Variants in C7orf78 observed in about 807,000 individuals in gnomAD.
The protein encoded by C7orf78 is putative uncharacterized protein C7orf78.
the C7orf78 span, among the ~76,000 whole-genome samples, chr7:12,524,101 G>T: frequency 6.6e-6 from 1 of 152,146 alleles, no homozygotes; most frequent in South Asian, 2.1e-4. Context: ...GTGTATTCCA[G>T]TGGGAAAATG....
the C7orf78 span, among the ~76,000 whole-genome samples, chr7:12,498,959 C>A: frequency 6.6e-6 from 1 of 151,902 alleles, no homozygotes; most frequent in Non-Finnish European, 1.5e-5. Context: ...AATTTTCAAC[C>A]CAGAATTTCA....
the C7orf78 span, among the ~76,000 whole-genome samples, chr7:12,503,856 T>C: frequency 6.6e-6 from 1 of 152,074 alleles, no homozygotes; most frequent in Non-Finnish European, 1.5e-5. Flanking sequence ...ACACCTGTAA[T>C]CCCATCAATT....
chr7:12,492,456 T>C, the C7orf78 span, among the ~76,000 whole-genome samples: 1 of 152,240 alleles, frequency 6.6e-6, no homozygotes, highest in African/African-American at 2.4e-5. Flanking sequence ...AAACTGTCTG[T>C]CATAGCAATG....
the C7orf78 span, chr7:12,491,292 A>G: frequency 6.6e-6 from 1 of 152,184 alleles, no homozygotes; most frequent in African/African-American, 2.4e-5. Context: ...TAATGGTACA[A>G]AGTTTTTTCT....
the C7orf78 span, among the ~76,000 whole-genome samples, chr7:12,523,882 C>T: frequency 1.8e-3 from 280 of 152,058 alleles, 2 homozygotes; most frequent in African/African-American, 6.6e-3. Context: ...AATATATGGG[C>T]AATAATTAGA....
the C7orf78 span, among the ~76,000 whole-genome samples, chr7:12,490,725 AAAAC>A: frequency 6.6e-6 from 1 of 152,126 alleles, no homozygotes; most frequent in African/African-American, 2.4e-5. Flanking sequence ...ATAAAAGACA[AAAAC>A]AAAACATCAA....
At chr7:12,531,330 T>A in the C7orf78 span, among the ~76,000 whole-genome samples, 4 of 152,184 alleles carry the variant, frequency 2.6e-5, no homozygotes, top group Non-Finnish European at 5.9e-5. Flanking sequence ...CCTACGTGCA[T>A]AATCACCTCT....
chr7:12,503,657 G>A, the C7orf78 span, among the ~76,000 whole-genome samples: 11 of 151,348 alleles, frequency 7.3e-5, no homozygotes, highest in African/African-American at 1.5e-4. Flanking sequence ...TGTGCACAGC[G>A]TGCAGGTTTG....
the C7orf78 span, among the ~76,000 whole-genome samples, chr7:12,497,476 G>A: frequency 1.9e-5 from 1 of 51,792 alleles, no homozygotes; most frequent in Non-Finnish European, 4.1e-5. Flanking sequence ...ACGGCACCTG[G>A]AGAATCGGGA....
chr7:12,517,662 T>A, the C7orf78 span, among the ~76,000 whole-genome samples: 1 of 152,208 alleles, frequency 6.6e-6, no homozygotes, highest in East Asian at 1.9e-4. Flanking sequence ...CTGCTTAATC[T>A]ATTGTTGGAG....
chr7:12,495,728 A>G, the C7orf78 span, among the ~76,000 whole-genome samples: 1 of 152,190 alleles, frequency 6.6e-6, no homozygotes, highest in Non-Finnish European at 1.5e-5. Context: ...TTCAAGTTGC[A>G]ATTATCTGTT....
chr7:12,504,237 G>T, the C7orf78 span, among the ~76,000 whole-genome samples: 1 of 152,110 alleles, frequency 6.6e-6, no homozygotes, highest in South Asian at 2.1e-4. Flanking sequence ...TGTATTTACT[G>T]AGTATTGAGC....
chr7:12,522,698 T>C, the C7orf78 span, among the ~76,000 whole-genome samples: 4 of 152,200 alleles, frequency 2.6e-5, no homozygotes, highest in Non-Finnish European at 5.9e-5. Context: ...GCTTTTATGT[T>C]TGTCTTTTAA....
chr7:12,511,215 G>A, the C7orf78 span, among the ~76,000 whole-genome samples: 1 of 151,674 alleles, frequency 6.6e-6, no homozygotes, highest in Non-Finnish European at 1.5e-5. Flanking sequence ...TTTATTTCTG[G>A]ATTCTCTATT....
chr7:12,489,746 T>C, the C7orf78 span, among the ~76,000 whole-genome samples: 1 of 152,142 alleles, frequency 6.6e-6, no homozygotes, highest in Admixed American at 6.6e-5. Flanking sequence ...AATTGCTATG[T>C]AGGACATAAA....
chr7:12,520,683 G>A, the C7orf78 span, among the ~76,000 whole-genome samples: 3 of 152,174 alleles, frequency 2.0e-5, no homozygotes, highest in Admixed American at 6.5e-5. Context: ...TTGCGAATGA[G>A]AAGAACATAC....
the C7orf78 span, among the ~76,000 whole-genome samples, chr7:12,508,607 G>A: frequency 1.3e-5 from 2 of 152,222 alleles, no homozygotes; most frequent in African/African-American, 4.8e-5. Context: ...CTAAATCAGG[G>A]TGAAACCAAT....
chr7:12,494,766 T>G, the C7orf78 span, among the ~76,000 whole-genome samples: 1 of 152,200 alleles, frequency 6.6e-6, no homozygotes, highest in African/African-American at 2.4e-5. Context: ...AGCTCACCTT[T>G]GGCTGCCTCA....
At chr7:12,533,348 C>A in the C7orf78 span, among the ~76,000 whole-genome samples, 4 of 151,610 alleles carry the variant, frequency 2.6e-5, no homozygotes, top group Admixed American at 2.6e-4. Flanking sequence ...TTACAGGTTC[C>A]CATCACCATA....
Sources: allele counts gnomAD v4.1 joint callset (sites outside exome capture counted in the v4.1 genomes callset), GRCh38; gene constraint gnomAD v4.1.1; transcripts MANE v1.5; gene names NCBI Gene and HGNC (gene_info 2026-07-23, HGNC 2026-07-21).